SNX13: variants seen among roughly 807,000 people sequenced by gnomAD.
The protein encoded by SNX13 is sorting nexin 13.
A neutral mutation model predicts 133.6 loss-of-function variants in SNX13; 45 were observed. The observed-to-expected ratio is 0.34, with a 90% CI of 0.27 to 0.43. The LOEUF is 0.43. Ranked by LOEUF, SNX13 falls within the 20% of genes least tolerant of loss-of-function variation. The pLI, the probability that SNX13 is intolerant of heterozygous loss-of-function variation, is 1.00. For synonymous variants in SNX13, 414 were observed against 373.9 expected (o/e 1.11, Z -1.24); for missense variants, 1,032 against 1,145.1 (o/e 0.90, Z 1.43).
intron 9 of SNX13, among the ~76,000 whole-genome samples, chr7:17,866,821 A>G (rs1227836973): frequency 2.0e-5 from 3 of 152,208 alleles, no homozygotes; most frequent in Non-Finnish European, 4.4e-5. Flanking sequence ...AGTTAACAAT[A>G]ATTTATTGTA....
chr7:17,814,776 A>C (rs1786458806), intron 20 of SNX13, 58 bp downstream of exon 20: 1 of 1,330,420 alleles, frequency 7.5e-7, no homozygotes, highest in Admixed American at 3.5e-5. Context: ...CTTTTATTAC[A>C]AACAAAGTAA....
intron 1 of SNX13, among the ~76,000 whole-genome samples, chr7:17,938,267 T>C (rs1429260457): frequency 2.0e-5 from 3 of 152,328 alleles, no homozygotes; most frequent in African/African-American, 7.2e-5. Flanking sequence ...TGTTTTAAAA[T>C]CTATCAAGAG....
At chr7:17,871,294 C>A (rs1421590851) in intron 8 of SNX13, among the ~76,000 whole-genome samples, 1 of 152,048 alleles carries the variant, frequency 6.6e-6, no homozygotes, top group Non-Finnish European at 1.5e-5. Context: ...CGTGAGCCAC[C>A]GCGCCTGGCC....
chr7:17,808,903 T>G (rs1207644576), intron 20 of SNX13, among the ~76,000 whole-genome samples: 1 of 152,058 alleles, frequency 6.6e-6, no homozygotes, highest in Non-Finnish European at 1.5e-5. Context: ...GACAAGCAAA[T>G]GCAGAGAGAT....
intron 13 of SNX13, among the ~76,000 whole-genome samples, chr7:17,837,271 C>A (rs1034787355): frequency 4.6e-5 from 7 of 151,960 alleles, no homozygotes; most frequent in African/African-American, 1.7e-4. Flanking sequence ...GCTAAGAATA[C>A]AGCCTTGTGC....
At chr7:17,932,077 AAC>A (rs1562544176) in intron 1 of SNX13, among the ~76,000 whole-genome samples, 1 of 152,220 alleles carries the variant, frequency 6.6e-6, no homozygotes, top group Non-Finnish European at 1.5e-5. Flanking sequence ...TACAAATTGA[AAC>A]AGTCAACAAA....
intron 13 of SNX13, among the ~76,000 whole-genome samples, chr7:17,837,790 T>C (rs1378013917): frequency 4.6e-5 from 7 of 151,986 alleles, no homozygotes. Context: ...AGTAAAGAAA[T>C]TTAGAAAATC....
Position 17,884,463 on chromosome 7 carries a change from TA to T in SNX13, c.440+5899del, listed in dbSNP as rs538288081. ...CTTTGTGTTCTTATGAACGAAAACA[TA>T]AGAATTGTTTTTTCAACTATAGATA... On this transcript the variant is annotated intron_variant, in intron 5 of 25. Coordinates refer to ENST00000428135, the MANE Select transcript of SNX13 (RefSeq NM_015132.5). Among the ~76,000 whole-genome samples, 31 of 152,336 alleles carry T rather than the reference TA, an allele frequency of 2.0e-4. No individual in the cohort carries two copies. In the East Asian group the frequency reaches 5.8e-3, roughly 28 times the overall value.
chr7:17,884,667 T>C (rs923633269), intron 5 of SNX13, among the ~76,000 whole-genome samples: 7 of 152,188 alleles, frequency 4.6e-5, no homozygotes, highest in South Asian at 4.1e-4. Flanking sequence ...TCATTTTTCA[T>C]AGACACTGGG....
At chr7:17,855,497 T>C (rs983389926) in intron 9 of SNX13, among the ~76,000 whole-genome samples, 37 of 152,320 alleles carry the variant, frequency 2.4e-4, no homozygotes, top group African/African-American at 8.4e-4. Flanking sequence ...TAGAGGCTAG[T>C]AGTGACTCTA....
At chr7:17,905,737 CA>C (rs1456793415) in intron 1 of SNX13, among the ~76,000 whole-genome samples, 1 of 152,180 alleles carries the variant, frequency 6.6e-6, no homozygotes, top group Non-Finnish European at 1.5e-5. Flanking sequence ...CTTGATTCAA[CA>C]GGAGAATATA....
chr7:17,884,066 T>C (rs545949672), intron 5 of SNX13, among the ~76,000 whole-genome samples: 1 of 152,324 alleles, frequency 6.6e-6, no homozygotes, highest in South Asian at 2.1e-4. Context: ...GAAAAAAGTT[T>C]GCTGATTCCT....
At chr7:17,836,540 T>C (rs916430922) in intron 13 of SNX13, among the ~76,000 whole-genome samples, 8 of 152,044 alleles carry the variant, frequency 5.3e-5, no homozygotes, top group African/African-American at 1.7e-4. Context: ...GAAATATTTG[T>C]ACACATTTGT....
Position 17,888,713 on chromosome 7 carries a change from T to A in SNX13, c.440+1650A>T, listed in dbSNP as rs916788774. ...GGACTTTGTTTTATTCACTGCTGTA[T>A]CCCCAGCATCTGGTTGGTACAAAGT... is the stretch of plus-strand genomic sequence containing the variant. On this transcript the variant is annotated intron_variant, in intron 5 of 25. Coordinates refer to ENST00000428135, the MANE Select transcript of SNX13 (RefSeq NM_015132.5). The A allele has an allele frequency of 2.5e-5, 12 of 470,808 alleles. No individual in the cohort carries two copies. The Admixed American group carries it at 2.8e-4, about 11-fold the overall frequency. The allele number at this position is 470,808 out of a possible 1,614,324, so 29.2% of individuals were successfully genotyped here. A position where few individuals can be genotyped will look rare whatever the true frequency, so the allele number is the denominator to read the frequency against.
rs760755250 is a variant in SNX13, at chr7:17,850,877, T to C, written c.925A>G (p.Lys309Glu). The change falls in exon 10 of 26, where the codon AAG becomes GAG. Residue 309 changes from lysine to glutamate, a missense_variant. Lys to Glu is a moderately conservative substitution (Grantham distance 56). Coordinates refer to ENST00000428135, the MANE Select transcript of SNX13 (RefSeq NM_015132.5). ...AGATACTGTAATTCTTCTGCTGCCTTATCTCTGACTGCTTCTAGCTCTCCA... is the reference window on the plus strand; with the variant it reads ...AGATACTGTAATTCTTCTGCTGCCTCATCTCTGACTGCTTCTAGCTCTCCA... ...NIGELEAVRDKAAEELQYLRS... is the reference protein window; with the variant it reads ...NIGELEAVRDEAAEELQYLRS... The C allele has an allele frequency of 1.9e-6, 3 of 1,612,354 alleles. No homozygotes were observed. Among genetic ancestry groups the C allele is most frequent in the Non-Finnish European group, 2.5e-6 (3 of 1,179,288 alleles).
At chr7:17,840,435 C>T (rs184930736) in intron 12 of SNX13, among the ~76,000 whole-genome samples, 79 of 151,908 alleles carry the variant, frequency 5.2e-4, no homozygotes, top group Admixed American at 1.4e-3. Flanking sequence ...GCAATCCTAA[C>T]GTAATAGCAA....
intron 1 of SNX13, among the ~76,000 whole-genome samples, chr7:17,930,542 A>C (rs1339267421): frequency 6.6e-6 from 1 of 152,192 alleles, no homozygotes; most frequent in Non-Finnish European, 1.5e-5. Flanking sequence ...TGCTGTTATT[A>C]ATTTCTGGAA....
intron 13 of SNX13, among the ~76,000 whole-genome samples, chr7:17,838,947 T>C (rs1789506575): frequency 6.6e-6 from 1 of 150,856 alleles, no homozygotes; most frequent in Non-Finnish European, 1.5e-5. Context: ...AATATACATA[T>C]ATGTATTACA....
intron 9 of SNX13, among the ~76,000 whole-genome samples, chr7:17,862,121 G>A (rs755102268): frequency 9.2e-5 from 14 of 152,154 alleles, no homozygotes; most frequent in Non-Finnish European, 1.9e-4. Context: ...GTTAATACAT[G>A]CTCAGAAACA....
Sources: allele counts gnomAD v4.1 joint callset (sites outside exome capture counted in the v4.1 genomes callset), GRCh38; gene constraint gnomAD v4.1.1; transcripts MANE v1.5; gene names NCBI Gene and HGNC (gene_info 2026-07-23, HGNC 2026-07-21).